SORCS1: variants seen among roughly 807,000 people sequenced by gnomAD.
SORCS1 encodes VPS10 domain-containing receptor SorCS1.
In SORCS1, 60 loss-of-function variants were observed where a neutral mutation model predicts 146.1. The observed-to-expected ratio is 0.41, with a 90% CI of 0.33 to 0.51. SORCS1 has a LOEUF of 0.51. Ranked by LOEUF, SORCS1 falls within the 20% of genes least tolerant of loss-of-function variation. The pLI is 0.21. For missense variants in SORCS1, 1,352 were observed against 1,487.6 expected (o/e 0.91, Z 1.50); for synonymous variants, 637 against 584.0 (o/e 1.09, Z -1.31).
intron 3 of SORCS1, among the ~76,000 whole-genome samples, chr10:106,817,328 AG>A (rs1463435858): frequency 6.6e-5 from 10 of 152,206 alleles, no homozygotes; most frequent in Non-Finnish European, 1.3e-4. Flanking sequence ...CCACAATTAA[AG>A]TTGTAGTTAT....
intron 5 of SORCS1, among the ~76,000 whole-genome samples, chr10:106,739,944 C>G (rs1043639484): frequency 9.8e-5 from 14 of 143,546 alleles, no homozygotes; most frequent in African/African-American, 3.4e-4. Flanking sequence ...GAGTGAGACT[C>G]TGTCTCAAAA....
intron 18 of SORCS1, among the ~76,000 whole-genome samples, chr10:106,638,345 C>G (rs1183025167): frequency 6.6e-6 from 1 of 151,702 alleles, no homozygotes; most frequent in African/African-American, 2.4e-5. Flanking sequence ...AACCAGGTTT[C>G]CTAGTAGTAA....
At chr10:106,810,835 C>A (rs2136783098) in intron 3 of SORCS1, among the ~76,000 whole-genome samples, 1 of 152,300 alleles carries the variant, frequency 6.6e-6, no homozygotes, top group East Asian at 1.9e-4. Context: ...ATGTACTCTC[C>A]TTCACCCATC....
At chr10:106,625,037 G>A (rs934249696) in intron 19 of SORCS1, among the ~76,000 whole-genome samples, 10 of 152,202 alleles carry the variant, frequency 6.6e-5, no homozygotes, top group Non-Finnish European at 2.9e-5. Context: ...TGCACAAAAG[G>A]GACAGTAGGT....
intron 24 of SORCS1, among the ~76,000 whole-genome samples, chr10:106,593,499 A>G (rs1236434010): frequency 3.3e-5 from 5 of 152,186 alleles, no homozygotes; most frequent in Admixed American, 6.5e-5. Flanking sequence ...ATATAGCAAA[A>G]GTTTCCAAAA....
chr10:106,587,176 G>T (rs1384763215), intron 24 of SORCS1, among the ~76,000 whole-genome samples: 1 of 152,032 alleles, frequency 6.6e-6, no homozygotes, highest in East Asian at 1.9e-4. Flanking sequence ...TATTTATTTT[G>T]GGGAAAAATA....
chr10:106,577,633 CG>C, intron 25 of SORCS1, 78 bp from the exon 26 acceptor site: 1 of 1,581,182 alleles, frequency 6.3e-7, no homozygotes, highest in Non-Finnish European at 8.6e-7. Context: ...CAATGTGCTG[CG>C]ATATCTTCCT....
chr10:107,083,444 A>C (rs952696467), intron 1 of SORCS1, among the ~76,000 whole-genome samples: 5 of 152,066 alleles, frequency 3.3e-5, no homozygotes, highest in Non-Finnish European at 7.4e-5. Flanking sequence ...TTCTCATATT[A>C]TTATTCCAAT....
rs368039491 is a variant in SORCS1 at position 106,897,706 on chromosome 10, T to TA, written c.626+58806dup. On this transcript the variant is annotated intron_variant, in intron 2 of 25. Coordinates refer to ENST00000263054, the MANE Select transcript of SORCS1 (RefSeq NM_052918.5). ...TTCAGGAAATTAACCTCTCTATCAC[T>TA]AAAAAAAAAAATGTCATGAATAGGG... Among the ~76,000 whole-genome samples, 606 of 144,728 alleles carry TA rather than the reference T, an allele frequency of 4.2e-3. 6 individuals carry two copies. Among genetic ancestry groups the TA allele is most frequent in the African/African-American group, 0.013 (511 of 39,644 alleles). 94.9% of individuals were successfully genotyped at this position (144,728 alleles called of 152,430 possible). A position where few individuals can be genotyped will look rare whatever the true frequency, so the allele number is the denominator to read the frequency against.
chr10:106,909,410 A>G (rs1952046730), intron 2 of SORCS1, among the ~76,000 whole-genome samples: 2 of 152,042 alleles, frequency 1.3e-5, no homozygotes, highest in African/African-American at 4.8e-5. Flanking sequence ...GAGAGAATAT[A>G]CTCAGGAATA....
At position 107,164,065 on chromosome 10, in the gene SORCS1, C is replaced by T. The variant is rs769928326; in HGVS notation, c.462G>A (p.Arg154=). The change falls in exon 1 of 26, where the codon CGG becomes CGA. Residue 154 remains arginine (R), a synonymous_variant. Coordinates refer to ENST00000263054, the MANE Select transcript of SORCS1 (RefSeq NM_052918.5). This position sits in a 1 kb window ranked among gnomAD's most constrained non-coding sequence, Gnocchi z 6.8. ...ERDPDKATRF[R]MEELRLTSTT... ...TGCTGGTCAGTCTCAGCTCCTCCAT[C>T]CGGAAGCGGGTGGCTTTGTCCGGGT... The T allele has an allele frequency of 6.2e-7, 1 of 1,614,034 alleles. No homozygotes were observed. The highest frequency in any genetic ancestry group is 1.1e-5 in the South Asian group (1 of 91,082).
At chr10:106,949,899 C>T (rs933646881) in intron 2 of SORCS1, among the ~76,000 whole-genome samples, 5 of 152,184 alleles carry the variant, frequency 3.3e-5, no homozygotes, top group African/African-American at 9.7e-5. Flanking sequence ...AGGGCTTTCT[C>T]ACCAGCTAAG....
chr10:107,136,081 G>A (rs1225296897), intron 1 of SORCS1, among the ~76,000 whole-genome samples: 1 of 151,984 alleles, frequency 6.6e-6, no homozygotes, highest in Non-Finnish European at 1.5e-5. Flanking sequence ...GAAAGGAAAA[G>A]GTGGCCCTTG....
At chr10:106,933,039 G>C (rs10884388) in intron 2 of SORCS1, among the ~76,000 whole-genome samples, 43,538 of 152,060 alleles carry the variant, frequency 0.29, 6,719 homozygotes, top group Middle Eastern at 0.36. Flanking sequence ...CAGCACGATC[G>C]TGTTCAGGTC....
At chr10:107,055,106 G>T (rs931590061) in intron 1 of SORCS1, among the ~76,000 whole-genome samples, 3 of 152,164 alleles carry the variant, frequency 2.0e-5, no homozygotes, top group Non-Finnish European at 4.4e-5. Context: ...TTTGAATCAT[G>T]GGACCAGGGA....
chr10:107,079,120 G>T (rs1316231299), intron 1 of SORCS1, among the ~76,000 whole-genome samples: 1 of 152,022 alleles, frequency 6.6e-6, no homozygotes, highest in Non-Finnish European at 1.5e-5. Flanking sequence ...CAGCTACTTG[G>T]GAGGCTGAGT....
rs543832385 is a variant in SORCS1 at position 106,755,967 on chromosome 10, A to G, written c.959+5621T>C. On this transcript the variant is annotated intron_variant, in intron 5 of 25. Transcript: ENST00000263054. ...AACACGGTGAAATTCCGTCTCTACT[A>G]AAATACAAAAAATTAGCCAGGCATG... Among the ~76,000 whole-genome samples, 4 of 152,118 alleles carry G rather than the reference A, an allele frequency of 2.6e-5. No individual in the cohort carries two copies. The South Asian group carries it at 8.3e-4, about 32-fold the overall frequency.
chr10:106,779,791 C>G (rs1860753253), intron 3 of SORCS1, among the ~76,000 whole-genome samples: 1 of 151,906 alleles, frequency 6.6e-6, no homozygotes, highest in South Asian at 2.1e-4. Flanking sequence ...CCCAGCCCCC[C>G]AAATATTCAT....
chr10:106,606,274 T>TACACAC (rs6144077), intron 23 of SORCS1, among the ~76,000 whole-genome samples: 2,665 of 138,892 alleles, frequency 0.019, 38 homozygotes, highest in African/African-American at 0.048. Flanking sequence ...CACACAGATA[T>TACACAC]ACACACACAC....
Sources: allele counts gnomAD v4.1 joint callset (sites outside exome capture counted in the v4.1 genomes callset), GRCh38; gene constraint gnomAD v4.1.1; non-coding constraint Gnocchi (gnomAD v3.1); transcripts MANE v1.5; gene names NCBI Gene and HGNC (gene_info 2026-07-23, HGNC 2026-07-21).